The following RANBP2 variants were observed in gnomAD, a reference collection of about 807,000 sequenced individuals.
RANBP2 encodes the protein E3 SUMO-protein ligase RanBP2.
RANBP2 carries 57 observed loss-of-function variants against 303.6 expected under a neutral mutation model. The observed-to-expected ratio is 0.19, with a 90% confidence interval of 0.15 to 0.23. The LOEUF is 0.23. Among genes scored for constraint, RANBP2 ranks in the 10% least tolerant of loss-of-function variants. The pLI is 1.00. For synonymous variants in RANBP2, 1,167 were observed against 1,301.5 expected, an observed-to-expected ratio of 0.90 and a Z score of 2.23; for missense variants, 3,138 against 3,780.8, an observed-to-expected ratio of 0.83 and a Z score of 4.46.
At chr2:109,527,743 A>AT in the RANBP2 span, among the ~76,000 whole-genome samples, 107 of 152,312 alleles carry the variant, frequency 7.0e-4, no homozygotes, top group African/African-American at 2.2e-3. Context: ...AAAATAAAAG[A>AT]TTTTTTTAAA....
the RANBP2 span, among the ~76,000 whole-genome samples, chr2:109,326,533 C>T: frequency 6.6e-6 from 1 of 152,104 alleles, no homozygotes; most frequent in African/African-American, 2.4e-5. Context: ...TAAATTTTTG[C>T]CAATCTGGTG....
chr2:109,306,042 T>C, the RANBP2 span, among the ~76,000 whole-genome samples: 1 of 152,244 alleles, frequency 6.6e-6, no homozygotes, highest in Non-Finnish European at 1.5e-5. Flanking sequence ...TGCCTTCTGC[T>C]GGGCTCTTAC....
At chr2:108,910,388 A>G in the RANBP2 span, 2 of 1,274,952 alleles carry the variant, frequency 1.6e-6, no homozygotes, top group Non-Finnish European at 2.3e-6. Context: ...ACTCGGCTGC[A>G]CCCTGGTTCC....
chr2:109,507,405 C>T, the RANBP2 span, among the ~76,000 whole-genome samples: 1 of 152,218 alleles, frequency 6.6e-6, no homozygotes, highest in African/African-American at 2.4e-5. Flanking sequence ...AAGAAGATCA[C>T]ATTCAGCTGA....
the RANBP2 span, among the ~76,000 whole-genome samples, chr2:109,254,972 C>T: frequency 6.6e-6 from 1 of 152,140 alleles, no homozygotes; most frequent in African/African-American, 2.4e-5. Flanking sequence ...ATGTGGGGCT[C>T]TGTGGTTCAG....
At chr2:109,029,468 G>A in the RANBP2 span, among the ~76,000 whole-genome samples, 1 of 152,236 alleles carries the variant, frequency 6.6e-6, no homozygotes, top group African/African-American at 2.4e-5. Flanking sequence ...AGTTATTGAA[G>A]GGTGCCTCAG....
chr2:108,984,973 GAA>G, the RANBP2 span, among the ~76,000 whole-genome samples: 1 of 152,240 alleles, frequency 6.6e-6, no homozygotes, highest in African/African-American at 2.4e-5. Context: ...AGTTTTAAGA[GAA>G]GAGATTTGGT....
At chr2:109,450,959 C>T in the RANBP2 span, among the ~76,000 whole-genome samples, 2 of 152,238 alleles carry the variant, frequency 1.3e-5, no homozygotes, top group Non-Finnish European at 2.9e-5. Flanking sequence ...TTCTCGAGGA[C>T]ATTGCCAAAC....
At chr2:109,459,493 A>G in the RANBP2 span, among the ~76,000 whole-genome samples, 1 of 152,080 alleles carries the variant, frequency 6.6e-6, no homozygotes, top group Non-Finnish European at 1.5e-5. Context: ...ATAGTTTTCC[A>G]TTGACCTCAG....
the RANBP2 span, chr2:109,794,614 G>GGGCGGCGGC: frequency 2.8e-5 from 2 of 72,294 alleles, no homozygotes; most frequent in African/African-American, 1.1e-4. Flanking sequence ...GCGGCGGGGG[G>GGGCGGCGGC]GGCGGCGGCG....
At chr2:109,267,453 G>A in the RANBP2 span, among the ~76,000 whole-genome samples, 5 of 152,188 alleles carry the variant, frequency 3.3e-5, no homozygotes, top group East Asian at 9.6e-4. Flanking sequence ...CCTGGCTCCC[G>A]GGCTGCTTTT....
the RANBP2 span, among the ~76,000 whole-genome samples, chr2:109,158,123 A>G: frequency 6.6e-6 from 1 of 152,114 alleles, no homozygotes; most frequent in Non-Finnish European, 1.5e-5. Flanking sequence ...TCCCATAGCT[A>G]GTAAGGTGCC....
At chr2:109,563,805 G>T in the RANBP2 span, among the ~76,000 whole-genome samples, 1 of 152,040 alleles carries the variant, frequency 6.6e-6, no homozygotes, top group Admixed American at 6.6e-5. Flanking sequence ...AAAACCAACA[G>T]AAAATGTTTT....
At chr2:109,249,538 TCCTTCC>T in the RANBP2 span, among the ~76,000 whole-genome samples, 3 of 112,234 alleles carry the variant, frequency 2.7e-5, no homozygotes, top group African/African-American at 3.8e-5. Context: ...TTTCTTTCCT[TCCTTCC>T]TTCCTTCCTT....
chr2:109,339,113 C>T, the RANBP2 span, among the ~76,000 whole-genome samples: 1 of 151,964 alleles, frequency 6.6e-6, no homozygotes, highest in African/African-American at 2.4e-5. Context: ...GTGGGCTGAA[C>T]AGGAGGAGGG....
chr2:109,247,867 C>G, the RANBP2 span, among the ~76,000 whole-genome samples: 1 of 152,170 alleles, frequency 6.6e-6, no homozygotes. Context: ...TCTTATATCC[C>G]CCAAAGGCTA....
At chr2:109,504,965 G>A in the RANBP2 span, among the ~76,000 whole-genome samples, 42 of 152,350 alleles carry the variant, frequency 2.8e-4, no homozygotes, top group African/African-American at 9.9e-4. Flanking sequence ...TGCCTGGAAG[G>A]GCAGGGTGGC....
chr2:108,774,329 A>C (rs1306438768), intron 23 of RANBP2, among the ~76,000 whole-genome samples: 1 of 152,074 alleles, frequency 6.6e-6, no homozygotes, highest in Non-Finnish European at 1.5e-5. Context: ...GCTCAGTGAT[A>C]TGTGTGTGTA....
rs2378187 is a variant in RANBP2, at chr2:108,724,951, T to C, written c.73-4181T>C. On this transcript the variant is annotated intron_variant, in intron 1 of 28. Transcript: ENST00000283195. ...TGACTGTGCAAGATGGGCGACAGAG[T>C]GAGACTCCATCTGAATTAAAAAAAA... Among the ~76,000 whole-genome samples, 1,223 of 151,944 alleles carry C rather than the reference T, an allele frequency of 8.0e-3. 21 individuals carry two copies. Among genetic ancestry groups the C allele is most frequent in the Middle Eastern group, 0.031 (9 of 294 alleles).
Sources: allele counts gnomAD v4.1 joint callset (sites outside exome capture counted in the v4.1 genomes callset), GRCh38; gene constraint gnomAD v4.1.1; transcripts MANE v1.5; gene names NCBI Gene and HGNC (gene_info 2026-07-23, HGNC 2026-07-21).